The following ZC3H18 variants were observed in gnomAD, a reference collection of about 807,000 sequenced individuals.
ZC3H18 encodes zinc finger CCCH-type containing 18, also known as zinc finger CCCH domain-containing protein 18.
In ZC3H18, 8 loss-of-function variants were observed where a neutral mutation model predicts 106.1. The observed-to-expected ratio is 0.08, with a 90% CI of 0.04 to 0.14. ZC3H18 has a LOEUF of 0.14. Ranked by LOEUF, ZC3H18 falls within the 10% of genes least tolerant of loss-of-function variation. The pLI is 1.00. For synonymous variants in ZC3H18, 635 were observed against 522.1 expected (o/e 1.22, Z -2.95); for missense variants, 1,318 against 1,278.4 (o/e 1.03, Z -0.47).
At chr16:88,617,179 TTC>T (rs1000539873) in intron 8 of ZC3H18, among the ~76,000 whole-genome samples, 5 of 152,138 alleles carry the variant, frequency 3.3e-5, no homozygotes, top group Non-Finnish European at 5.9e-5. Flanking sequence ...TTTCCTGAGG[TTC>T]TCTCTTACTG....
chr16:88,575,962 G>A (rs541890534), intron 1 of ZC3H18, among the ~76,000 whole-genome samples: 2 of 152,188 alleles, frequency 1.3e-5, no homozygotes, highest in Admixed American at 1.3e-4. Context: ...GTGCGGTGGC[G>A]CGATCTCAGC....
Position 88,598,119 on chromosome 16 carries a change from C to T in ZC3H18, c.689-59C>T, listed in dbSNP as rs370014799. 262 of 435,792 alleles carry T rather than the reference C, an allele frequency of 6.0e-4. 1 individual carries two copies. The highest frequency in any genetic ancestry group is 5.9e-3 in the African/African-American group (236 of 39,958). The allele number at this position is 435,792 out of a possible 1,614,324, so 27.0% of individuals were successfully genotyped here. On this transcript the variant is annotated intron_variant, in intron 3 of 17. Coordinates refer to ENST00000301011, the MANE Select transcript of ZC3H18 (RefSeq NM_144604.4). ...CCCCTCCCACCCCCCACCCCAGCAG[C>T]TGCCCTTGTGCAATTAGGCTCTTGT...
chr16:88,595,903 G>C (rs779203081), intron 3 of ZC3H18, among the ~76,000 whole-genome samples: 6 of 152,132 alleles, frequency 3.9e-5, no homozygotes, highest in Non-Finnish European at 7.4e-5. Flanking sequence ...CCGACAGTTG[G>C]GTGTGTTCCT....
At chr16:88,578,106 C>T (rs1203646607) in intron 2 of ZC3H18, among the ~76,000 whole-genome samples, 3 of 152,188 alleles carry the variant, frequency 2.0e-5, no homozygotes, top group East Asian at 1.9e-4. Context: ...AACCAGAAAC[C>T]ACGTGGGTTT....
intron 3 of ZC3H18, among the ~76,000 whole-genome samples, chr16:88,591,083 G>A (rs1156681985): frequency 6.6e-6 from 1 of 151,064 alleles, no homozygotes; most frequent in African/African-American, 2.4e-5. Context: ...CCATTCTCCT[G>A]CCTCAGCCTC....
intron 6 of ZC3H18, among the ~76,000 whole-genome samples, chr16:88,600,765 C>T (rs767942251): frequency 3.3e-5 from 5 of 152,140 alleles, no homozygotes; most frequent in Non-Finnish European, 7.3e-5. Flanking sequence ...GTGCCTGGGT[C>T]GAAGGGTGGA....
At chr16:88,588,183 G>A (rs1406117831) in intron 3 of ZC3H18, among the ~76,000 whole-genome samples, 3 of 152,224 alleles carry the variant, frequency 2.0e-5, no homozygotes, top group Admixed American at 2.0e-4. Flanking sequence ...CCATAATAGT[G>A]TGGGAATTAA....
At chr16:88,590,283 T>C (rs573903831) in intron 3 of ZC3H18, among the ~76,000 whole-genome samples, 10 of 152,346 alleles carry the variant, frequency 6.6e-5, no homozygotes, top group African/African-American at 1.7e-4. Flanking sequence ...CGTTGTGATA[T>C]AGAGATTAAT....
Position 88,611,438 on chromosome 16 carries a change from G to A in ZC3H18, c.1377G>A (p.Lys459=). The part of the protein sequence containing the change: ...RKEEWERERA[K]RDEKDRQHRD... ...AGGAGTGGGAGCGTGAGCGAGCCAAGCGGGACGAGAAGGACCGGCAGCACC... is the reference window on the plus strand; with the variant it reads ...AGGAGTGGGAGCGTGAGCGAGCCAAACGGGACGAGAAGGACCGGCAGCACC... The change falls in exon 8 of 18, where the codon AAG becomes AAA. Residue 459 remains lysine, a synonymous_variant. Coordinates refer to ENST00000301011, the MANE Select transcript of ZC3H18 (RefSeq NM_144604.4). 6.6e-7 allele frequency: 1 copy of A among 1,505,702 alleles called. No individual in the cohort carries two copies. The highest frequency in any genetic ancestry group is 1.4e-5 in the African/African-American group (1 of 72,230). 93.3% of individuals were successfully genotyped at this position (1,505,702 alleles called of 1,614,324 possible). A position where few individuals can be genotyped will look rare whatever the true frequency, so the allele number is the denominator to read the frequency against.
chr16:88,596,143 G>A (rs914284760), intron 3 of ZC3H18, among the ~76,000 whole-genome samples: 25 of 152,178 alleles, frequency 1.6e-4, no homozygotes, highest in African/African-American at 6.0e-4. Flanking sequence ...TCTAGTGGCA[G>A]CCCCACGCTC....
chr16:88,608,769 A>G (rs9932685), intron 6 of ZC3H18, 165 bp from the exon 7 acceptor site: 301,697 of 561,636 alleles, frequency 0.54, 82,988 homozygotes, highest in African/African-American at 0.63. Context: ...GCCTGCTCTT[A>G]GATGTAGTTT....
At chr16:88,598,949 T>A (rs896371693) in intron 5 of ZC3H18, among the ~76,000 whole-genome samples, 16 of 152,192 alleles carry the variant, frequency 1.1e-4, no homozygotes, top group Non-Finnish European at 2.1e-4. Context: ...AGCCTCCGCC[T>A]CCCAGGTTCA....
intron 2 of ZC3H18, among the ~76,000 whole-genome samples, chr16:88,586,270 G>A (rs1049155061): frequency 1.3e-5 from 2 of 152,188 alleles, no homozygotes; most frequent in African/African-American, 2.4e-5. Context: ...TTATTTAAAT[G>A]TTAAAAGTTT....
At position 88,631,314 on chromosome 16, in the gene ZC3H18, G is replaced by A. The variant is rs778360882; in HGVS notation, c.*15G>A. On this transcript the variant is annotated 3_prime_UTR_variant, in exon 18 of 18. Transcript: ENST00000301011. ...GGAAAGCATAGGCCGTGCCCCGACC[G>A]GACTGGACGCATTTTTATACATAGG... The A allele has an allele frequency of 2.5e-4, 384 of 1,559,676 alleles. 1 individual carries two copies. The highest frequency in any genetic ancestry group is 1.6e-4 in the Non-Finnish European group (187 of 1,151,590).
intron 1 of ZC3H18, among the ~76,000 whole-genome samples, chr16:88,571,108 A>G (rs1004248756): frequency 2.6e-5 from 4 of 152,294 alleles, no homozygotes; most frequent in Non-Finnish European, 5.9e-5. Flanking sequence ...TGCCCCTTGG[A>G]TTAGGAGATC....
chr16:88,601,072 T>G (rs374988221), intron 6 of ZC3H18, among the ~76,000 whole-genome samples: 1 of 152,226 alleles, frequency 6.6e-6, no homozygotes, highest in African/African-American at 2.4e-5. Flanking sequence ...TCTCAAGGCC[T>G]TCTTGCCGCG....
At chr16:88,624,183 G>A (rs1284360824) in intron 11 of ZC3H18, 121 bp downstream of exon 11, 20 of 1,394,070 alleles carry the variant, frequency 1.4e-5, no homozygotes, top group Middle Eastern at 4.4e-4. Flanking sequence ...GCCTCAGGGG[G>A]CTGGCCCCAG....
chr16:88,584,986 C>T (rs181632555), intron 2 of ZC3H18, among the ~76,000 whole-genome samples: 1 of 152,206 alleles, frequency 6.6e-6, no homozygotes, highest in East Asian at 1.9e-4. Context: ...AATGTGTTCT[C>T]CACTTAGATT....
chr16:88,630,905 T>C (rs1906645018), intron 17 of ZC3H18, among the ~76,000 whole-genome samples, 196 bp from the exon 18 acceptor site: 1 of 152,162 alleles, frequency 6.6e-6, no homozygotes, highest in African/African-American at 2.4e-5. Flanking sequence ...ACCCTCCCAG[T>C]CTGCTCCACA....
Sources: gnomAD v4.1 joint callset for allele counts (sites outside exome capture counted in the v4.1 genomes callset) on GRCh38, gnomAD v4.1.1 for gene constraint, MANE v1.5 for transcripts, NCBI Gene and HGNC (gene_info 2026-07-23, HGNC 2026-07-21) for gene names.